ZBTB8A: variants seen among roughly 807,000 people sequenced by gnomAD.
ZBTB8A encodes the protein zinc finger and BTB domain containing 8A.
Under a neutral mutation model 37.8 loss-of-function variants are expected in ZBTB8A, and 19 were observed. The observed-to-expected ratio is 0.50, with a 90% confidence interval of 0.35 to 0.74. The LOEUF (loss-of-function observed/expected upper bound fraction) is 0.74. Ranked by LOEUF, ZBTB8A falls within the 30% of genes least tolerant of loss-of-function variation. The probability of loss-of-function intolerance (pLI) is 0.01; values close to 1 mark genes in which losing one functional copy is unlikely to be tolerated. For missense variants in ZBTB8A, 394 were observed against 537.8 expected (o/e 0.73, Z 2.65); for synonymous variants, 181 against 185.2 (o/e 0.98, Z 0.19).
chr1:32,574,135 G>T (rs1284785144), intron 2 of ZBTB8A, among the ~76,000 whole-genome samples: 2 of 151,914 alleles, frequency 1.3e-5, no homozygotes, highest in South Asian at 2.1e-4. Flanking sequence ...CCTCTAAACT[G>T]CTTGAACTGC....
intron 1 of ZBTB8A, among the ~76,000 whole-genome samples, chr1:32,550,871 C>T (rs1326721106): frequency 4.0e-5 from 6 of 150,780 alleles, no homozygotes; most frequent in South Asian, 2.1e-4. Flanking sequence ...GCAGGAGAAT[C>T]GCTTGAACCC....
chr1:32,576,672 G>T (rs1644362979), intron 2 of ZBTB8A, among the ~76,000 whole-genome samples: 1 of 152,030 alleles, frequency 6.6e-6, no homozygotes, highest in East Asian at 1.9e-4. Context: ...CAGGTGATCT[G>T]CCTGCCTCGG....
At chr1:32,584,830 T>G (rs1428527238) in intron 2 of ZBTB8A, among the ~76,000 whole-genome samples, 1 of 151,302 alleles carries the variant, frequency 6.6e-6, no homozygotes, top group Non-Finnish European at 1.5e-5. Context: ...TAAACATCAT[T>G]GTTAATAGTT....
At chr1:32,545,765 C>G (rs776308704) in intron 1 of ZBTB8A, among the ~76,000 whole-genome samples, 1 of 152,316 alleles carries the variant, frequency 6.6e-6, no homozygotes, top group Admixed American at 6.5e-5. Context: ...CTGGCTAGAA[C>G]GCCTTTTGCC....
At position 32,605,838 on chromosome 1, in the gene ZBTB8A, ACT is replaced by A. The variant is rs1644613968; in HGVS notation, c.*5422_*5423del. 1 of 151,872 alleles carries A rather than the reference ACT, an allele frequency of 6.6e-6. No homozygotes were observed. The highest frequency in any genetic ancestry group is 1.9e-4 in the East Asian group (1 of 5,200). The allele number at this position is 151,872 out of a possible 1,614,324, so 9.4% of individuals were successfully genotyped here. A position where few individuals can be genotyped will look rare whatever the true frequency, so the allele number is the denominator to read the frequency against. On this transcript the variant is annotated 3_prime_UTR_variant, in exon 5 of 5. Transcript: ENST00000373510. ...AATTCACTGAGGTGTGTTGTGTATC[ACT>A]CTATTTTATAGATGATTTTATATAA...
intron 2 of ZBTB8A, among the ~76,000 whole-genome samples, chr1:32,553,833 C>T (rs1337389441): frequency 1.4e-5 from 2 of 147,484 alleles, no homozygotes; most frequent in African/African-American, 2.5e-5. Context: ...TTGCGGTGAA[C>T]CAAGATGGCA....
At chr1:32,582,309 A>G (rs1053026250) in intron 2 of ZBTB8A, among the ~76,000 whole-genome samples, 2 of 152,158 alleles carry the variant, frequency 1.3e-5, no homozygotes, top group African/African-American at 4.8e-5. Flanking sequence ...ATCCAAAAAA[A>G]TATAAAATTC....
chr1:32,569,386 C>CTTTTTTT (rs563715372), intron 2 of ZBTB8A, among the ~76,000 whole-genome samples: 52 of 82,300 alleles, frequency 6.3e-4, no homozygotes, highest in Non-Finnish European at 7.6e-4. Flanking sequence ...TTTTCCTTTC[C>CTTTTTTT]TTTTTTTTTT....
chr1:32,556,069 T>G (rs1483273208), intron 2 of ZBTB8A, among the ~76,000 whole-genome samples: 2 of 150,700 alleles, frequency 1.3e-5, no homozygotes, highest in Admixed American at 1.3e-4. Context: ...CAATTTTTTA[T>G]TTTTATTTAT....
intron 2 of ZBTB8A, among the ~76,000 whole-genome samples, chr1:32,562,577 T>TC (rs1460435221): frequency 1.4e-5 from 2 of 146,568 alleles, no homozygotes; most frequent in African/African-American, 5.1e-5. Context: ...GGCTTTTTTT[T>TC]TTTTTTTTTT....
intron 2 of ZBTB8A, among the ~76,000 whole-genome samples, chr1:32,580,891 G>T (rs1000148468): frequency 6.6e-6 from 1 of 151,176 alleles, no homozygotes; most frequent in African/African-American, 2.4e-5. Flanking sequence ...CAACAAGGGG[G>T]CCAAACTCTT....
intron 1 of ZBTB8A, among the ~76,000 whole-genome samples, chr1:32,551,464 C>G (rs1644155162): frequency 6.6e-6 from 1 of 152,066 alleles, no homozygotes; most frequent in African/African-American, 2.4e-5. Flanking sequence ...CCTGTAATCC[C>G]AGCAATTTGG....
At chr1:32,550,450 C>T (rs1461613292) in intron 1 of ZBTB8A, among the ~76,000 whole-genome samples, 2 of 151,846 alleles carry the variant, frequency 1.3e-5, no homozygotes, top group Admixed American at 1.3e-4. Flanking sequence ...GACCCCATCT[C>T]TACAAAAAAT....
intron 1 of ZBTB8A, among the ~76,000 whole-genome samples, chr1:32,547,828 C>CAAAAAAAAAAA (rs1194254576): frequency 5.9e-4 from 18 of 30,468 alleles, no homozygotes; most frequent in Non-Finnish European, 7.7e-4. Flanking sequence ...ACAAACAAAG[C>CAAAAAAAAAAA]AAAAAAAAAA....
At chr1:32,548,849 GGTATTATTATTGT>G (rs1644127435) in intron 1 of ZBTB8A, among the ~76,000 whole-genome samples, 1 of 152,090 alleles carries the variant, frequency 6.6e-6, no homozygotes, top group Non-Finnish European at 1.5e-5. Flanking sequence ...GTAAGCTATA[GGTATTATTATTGT>G]CCCTGTATTA....
At chr1:32,543,377 G>A (rs1397340989) in intron 1 of ZBTB8A, among the ~76,000 whole-genome samples, 7 of 152,018 alleles carry the variant, frequency 4.6e-5, no homozygotes, top group African/African-American at 1.4e-4. Context: ...GAGCCACTGC[G>A]CCTGGCCTGA....
At chr1:32,556,661 G>T (rs1644205141) in intron 2 of ZBTB8A, among the ~76,000 whole-genome samples, 1 of 151,982 alleles carries the variant, frequency 6.6e-6, no homozygotes, top group African/African-American at 2.4e-5. Flanking sequence ...GGTAGATCAT[G>T]AGGTCAAGAT....
At chr1:32,540,492 TC>T (rs1644044382) in intron 1 of ZBTB8A, among the ~76,000 whole-genome samples, 1 of 152,156 alleles carries the variant, frequency 6.6e-6, no homozygotes, top group Non-Finnish European at 1.5e-5. Flanking sequence ...TGACGGTAAT[TC>T]CACTTTGCAG....
At chr1:32,561,513 T>G (rs1644243816) in intron 2 of ZBTB8A, among the ~76,000 whole-genome samples, 1 of 152,158 alleles carries the variant, frequency 6.6e-6, no homozygotes, top group Admixed American at 6.6e-5. Flanking sequence ...CATTCCAGCC[T>G]CTGCTTCTGT....
Sources: allele counts gnomAD v4.1 joint callset (sites outside exome capture counted in the v4.1 genomes callset), GRCh38; gene constraint gnomAD v4.1.1; transcripts MANE v1.5; gene names NCBI Gene and HGNC (gene_info 2026-07-23, HGNC 2026-07-21).